The following TLN2 variants were observed in gnomAD, a reference collection of about 807,000 sequenced individuals.
TLN2 encodes the protein talin 2.
In TLN2, 118 loss-of-function variants were observed where a neutral mutation model predicts 294.7. The ratio of observed to expected loss-of-function variants is 0.40; its 90% CI spans 0.34 to 0.47. The LOEUF (loss-of-function observed/expected upper bound fraction) is 0.47, where lower values mean the gene tolerates loss of function less well. Ranked by LOEUF, TLN2 falls within the 20% of genes least tolerant of loss-of-function variation. The pLI is 0.84. For synonymous variants in TLN2, 1,431 were observed against 1,304.5 expected (o/e 1.10, Z -2.09); for missense variants, 3,083 against 3,282.2 (o/e 0.94, Z 1.48).
At position 62,783,728 on chromosome 15, in the gene TLN2, T is replaced by C. The variant is rs750102290; in HGVS notation, c.5617-43T>C. 2.4e-4 allele frequency: 128 copies of C among 533,804 alleles called. No homozygotes were observed. In the South Asian group the frequency reaches 2.9e-3, roughly 12 times the overall value. 33.1% of individuals were successfully genotyped at this position (533,804 alleles called of 1,614,324 possible). ...GTTCTCATGCGTTTCTCTCTGTGTG[T>C]GTGTGTGTGTGTGTGTGTGTCTTGC... On this transcript the variant is annotated intron_variant, in intron 44 of 58. Coordinates refer to ENST00000636159, the MANE Select transcript of TLN2 (RefSeq NM_015059.3).
At chr15:62,669,684 T>C (rs1567309176) in intron 9 of TLN2, among the ~76,000 whole-genome samples, 1 of 152,186 alleles carries the variant, frequency 6.6e-6, no homozygotes, top group Non-Finnish European at 1.5e-5. Flanking sequence ...CAGATTGCAC[T>C]TGTATACATG....
At chr15:62,701,946 G>C (rs2058743234) in intron 17 of TLN2, 46 bp from the exon 18 acceptor site, 1 of 1,604,202 alleles carries the variant, frequency 6.2e-7, no homozygotes. Flanking sequence ...ATTCTCACCA[G>C]AACCATGTGC....
intron 2 of TLN2, among the ~76,000 whole-genome samples, chr15:62,610,546 G>A (rs28668760): frequency 0.033 from 5,098 of 152,208 alleles, 124 homozygotes; most frequent in African/African-American, 0.062. Context: ...ACAGCACCTC[G>A]GCACTATGTT....
intron 2 of TLN2, among the ~76,000 whole-genome samples, chr15:62,598,991 CT>C (rs1158138727): frequency 6.6e-6 from 1 of 152,096 alleles, no homozygotes; most frequent in Admixed American, 6.5e-5. Context: ...CCAAAGAATT[CT>C]TCTCTGTTTT....
chr15:62,472,868 G>T (rs1231225163), intron 1 of TLN2, among the ~76,000 whole-genome samples: 1 of 152,234 alleles, frequency 6.6e-6, no homozygotes, highest in Non-Finnish European at 1.5e-5. Context: ...GCTTGGAGGA[G>T]GAGAGGCAAG....
chr15:62,715,283 A>G lies in TLN2; in HGVS notation c.2635-1048A>G, dbSNP rs79871814. Among the ~76,000 whole-genome samples, 1,320 of 152,074 alleles carry G rather than the reference A, an allele frequency of 8.7e-3. 18 individuals carry two copies. The highest frequency in any genetic ancestry group is 0.03 in the African/African-American group (1,230 of 41,286). On this transcript the variant is annotated intron_variant, in intron 22 of 58. Transcript: ENST00000636159. The stretch of plus-strand genomic sequence containing the variant: ...TGGCCACTTGGAAATCTAGACGTTT[A>G]GAAAATTGACTTTTGATAAATCGGT...
chr15:62,819,351 C>T (rs796886000), intron 52 of TLN2, among the ~76,000 whole-genome samples, 165 bp from the exon 53 acceptor site: 3 of 152,250 alleles, frequency 2.0e-5, no homozygotes, highest in African/African-American at 7.2e-5. Context: ...AGATTGAAAC[C>T]CAGTGAGTCG....
chr15:62,705,279 C>T (rs753140237), intron 19 of TLN2, among the ~76,000 whole-genome samples: 3 of 152,236 alleles, frequency 2.0e-5, no homozygotes, highest in Non-Finnish European at 2.9e-5. Flanking sequence ...CTGCAACCTC[C>T]TCCAGTTATG....
At position 62,833,433 on chromosome 15, in the gene TLN2, G is replaced by C. The variant is rs544641736; in HGVS notation, c.7003-71G>C. ...AGGTGAAGAGCCAGGTGACCCGGCA[G>C]TAAGTAGTTTGGAAGAAAGAGCCCT... On this transcript the variant is annotated intron_variant, in intron 54 of 58. Coordinates refer to ENST00000636159, the MANE Select transcript of TLN2 (RefSeq NM_015059.3). 33 of 1,575,970 alleles carry C rather than the reference G, an allele frequency of 2.1e-5. No homozygotes were observed. The Admixed American group carries it at 5.8e-4, about 28-fold the overall frequency.
chr15:62,569,446 G>C (rs1156817541), intron 1 of TLN2, among the ~76,000 whole-genome samples: 3 of 152,188 alleles, frequency 2.0e-5, no homozygotes, highest in Non-Finnish European at 4.4e-5. Flanking sequence ...GAAACTGGGA[G>C]ATTCAGAAAG....
chr15:62,759,097 C>A (rs1223071899), intron 37 of TLN2, among the ~76,000 whole-genome samples: 3 of 152,196 alleles, frequency 2.0e-5, no homozygotes, highest in African/African-American at 7.2e-5. Flanking sequence ...TTTACCCTTT[C>A]ATCATTATGG....
intron 58 of TLN2, among the ~76,000 whole-genome samples, 156 bp from the exon 59 acceptor site, chr15:62,840,326 G>A (rs1218005266): frequency 6.6e-6 from 1 of 152,036 alleles, no homozygotes; most frequent in East Asian, 1.9e-4. Flanking sequence ...AACCCAAACA[G>A]TGACAGAGGC....
At chr15:62,564,386 C>G (rs983697077) in intron 1 of TLN2, among the ~76,000 whole-genome samples, 6 of 152,082 alleles carry the variant, frequency 3.9e-5, no homozygotes, top group Admixed American at 3.9e-4. Context: ...CAGAATTATC[C>G]CTGGTAGAGC....
rs548982840 is a variant in TLN2 at position 62,824,216 on chromosome 15, AT to A, written c.7002+3607del. ...GGATTACTTGCTTATTATAGAAACA[AT>A]AAGTGTTGATGTTTCATAAGAGCCT... is the stretch of plus-strand genomic sequence containing the variant. On this transcript the variant is annotated intron_variant, in intron 54 of 58. Transcript: ENST00000636159. 3.1e-3 allele frequency among the ~76,000 whole-genome samples: 471 copies of A among 152,332 alleles called. 3 individuals carry two copies. Among genetic ancestry groups the A allele is most frequent in the Middle Eastern group, 0.01 (3 of 294 alleles).
At chr15:62,509,432 A>G (rs1423124883) in intron 1 of TLN2, among the ~76,000 whole-genome samples, 1 of 152,186 alleles carries the variant, frequency 6.6e-6, no homozygotes, top group African/African-American at 2.4e-5. Context: ...TCGTGTGATA[A>G]TAAAAACATA....
chr15:62,800,878 C>A, intron 50 of TLN2, 109 bp downstream of exon 50: 1 of 821,228 alleles, frequency 1.2e-6, no homozygotes, highest in Non-Finnish European at 1.9e-6. Context: ...AACACCTGAA[C>A]TGAGAATGCC....
At chr15:62,557,609 A>AACCTCC (rs957632849) in intron 1 of TLN2, among the ~76,000 whole-genome samples, 45 of 152,162 alleles carry the variant, frequency 3.0e-4, no homozygotes, top group Non-Finnish European at 8.8e-5. Flanking sequence ...GGCTCACTGC[A>AACCTCC]ACCTCCACCT....
chr15:62,718,287 A>T (rs1248349229), intron 24 of TLN2, among the ~76,000 whole-genome samples: 2 of 152,154 alleles, frequency 1.3e-5, no homozygotes, highest in East Asian at 1.9e-4. Context: ...GCTCCTCTTA[A>T]TGGTGGCAGA....
intron 1 of TLN2, among the ~76,000 whole-genome samples, chr15:62,509,321 T>C (rs1472040824): frequency 2.0e-5 from 3 of 152,244 alleles, no homozygotes; most frequent in Non-Finnish European, 1.5e-5. Flanking sequence ...GTTAATACTT[T>C]AGTTTGCTAG....
Sources: allele counts gnomAD v4.1 joint callset (sites outside exome capture counted in the v4.1 genomes callset), GRCh38; gene constraint gnomAD v4.1.1; transcripts MANE v1.5; gene names NCBI Gene and HGNC (gene_info 2026-07-23, HGNC 2026-07-21).